The following ST8SIA4 variants were observed in gnomAD, a reference collection of about 807,000 sequenced individuals.
ST8SIA4 encodes the protein CMP-N-acetylneuraminate-poly-alpha-2,8-sialyltransferase.
Under a neutral mutation model 33.9 loss-of-function variants are expected in ST8SIA4, and 15 were observed. That is an observed-to-expected ratio of 0.44 (90% CI 0.30 to 0.68). The LOEUF is 0.68. ST8SIA4 is among the 30% of genes least tolerant of loss of function. The pLI, the probability that ST8SIA4 is intolerant of heterozygous loss-of-function variation, is 0.10. For missense variants in ST8SIA4, 321 were observed against 428.0 expected, an observed-to-expected ratio of 0.75 and a Z score of 2.21; for synonymous variants, 171 against 151.2, an observed-to-expected ratio of 1.13 and a Z score of -0.96.
chr5:100,811,887 C>A lies in ST8SIA4; in HGVS notation c.1040G>T (p.Gly347Val), dbSNP rs1216128717. Reference sequence around the variant, plus strand: ...CTTTCCTGTTGTCAGTTTTAGAGCTCCTCTATTATGTAGCACATTTAATGT... The same window carrying A: ...CTTTCCTGTTGTCAGTTTTAGAGCTACTCTATTATGTAGCACATTTAATGT... ...FKTLNVLHNR[G>V]ALKLTTGKCV... is the part of the protein sequence containing the mutation. The change falls in exon 5 of 5, where the codon GGA (glycine) becomes GTA (valine). Residue 347 changes from glycine (G) to valine (V), a missense_variant. Transcript: ENST00000231461. 1.9e-6 allele frequency: 3 copies of A among 1,613,896 alleles called. No individual in the cohort carries two copies. The Admixed American group carries it at 5.0e-5, about 27-fold the overall frequency.
At chr5:100,838,265 C>T (rs1338603852) in intron 4 of ST8SIA4, among the ~76,000 whole-genome samples, 2 of 151,958 alleles carry the variant, frequency 1.3e-5, no homozygotes, top group Non-Finnish European at 2.9e-5. Context: ...ATTGAAATGT[C>T]TGTTGAAAAA....
rs1396139347 is a variant in ST8SIA4, at chr5:100,886,485, A to G, written c.361T>C (p.Ser121Pro). 6.2e-7 allele frequency: 1 copy of G among 1,613,896 alleles called. No individual in the cohort carries two copies. The highest frequency in any genetic ancestry group is 8.5e-7 in the Non-Finnish European group (1 of 1,179,796). Residue 121 changes from serine to proline, a missense_variant, in exon 3 of 5, where the codon TCT (serine) becomes CCT (proline). Coordinates refer to ENST00000231461, the MANE Select transcript of ST8SIA4 (RefSeq NM_005668.6). ...GGTAGGAGGCTATGTAGATCATGAG[A>G]AATGTTTAGTGTCCGGCGCCTGTCA... ...VLDRRRTLNI[S>P]HDLHSLLPEV... is the part of the protein sequence containing the mutation.
At position 100,863,466 on chromosome 5, in the gene ST8SIA4, T is replaced by C. The variant is rs538084725; in HGVS notation, c.504-7070A>G. 3.3e-5 allele frequency among the ~76,000 whole-genome samples: 5 copies of C among 152,270 alleles called. No individual in the cohort carries two copies. The South Asian group carries it at 1.0e-3, about 32-fold the overall frequency. ...GTGGCCCATATTCTCTTCCCTAAAA[T>C]AAAAAGTTGTTCTAGGTGAAAATGA... On this transcript the variant is annotated intron_variant, in intron 3 of 4. Transcript: ENST00000231461.
chr5:100,831,784 G>C (rs1254170060), intron 4 of ST8SIA4, among the ~76,000 whole-genome samples: 2 of 152,078 alleles, frequency 1.3e-5, no homozygotes, highest in East Asian at 3.9e-4. Context: ...TGAGGGTCAG[G>C]GGGCTCAAAA....
At chr5:100,895,104 G>T (rs529771438) in intron 2 of ST8SIA4, among the ~76,000 whole-genome samples, 2 of 152,130 alleles carry the variant, frequency 1.3e-5, no homozygotes, top group East Asian at 3.9e-4. Context: ...GTTCAAGAGT[G>T]GGTTTCAGCT....
At chr5:100,836,865 G>C (rs1424830319) in intron 4 of ST8SIA4, among the ~76,000 whole-genome samples, 1 of 151,912 alleles carries the variant, frequency 6.6e-6, no homozygotes, top group African/African-American at 2.4e-5. Context: ...CCGTACTGAC[G>C]TTAAAATGTA....
Position 100,809,746 on chromosome 5 carries a change from TAGATA to T in ST8SIA4, c.*2096_*2100del, listed in dbSNP as rs1271049383. On this transcript the variant is annotated 3_prime_UTR_variant, in exon 5 of 5. Transcript: ENST00000231461. Reference sequence around the variant, plus strand: ...GTATCTATTCTCTTACAATTTCTGATAGATAAGAGGTTTAATTATAAAAGTACATT... The same window carrying T: ...GTATCTATTCTCTTACAATTTCTGATAGAGGTTTAATTATAAAAGTACATT... 1 of 152,210 alleles carries T rather than the reference TAGATA, an allele frequency of 6.6e-6. No homozygotes were observed. Among genetic ancestry groups the T allele is most frequent in the Non-Finnish European group, 1.5e-5 (1 of 68,026 alleles). 9.4% of individuals were successfully genotyped at this position (152,210 alleles called of 1,614,324 possible).
intron 4 of ST8SIA4, among the ~76,000 whole-genome samples, chr5:100,832,789 C>A (rs1181931596): frequency 6.6e-6 from 1 of 152,058 alleles, no homozygotes; most frequent in Non-Finnish European, 1.5e-5. Flanking sequence ...TCTCATTGTT[C>A]TTATTCAGTT....
chr5:100,818,828 T>G lies in ST8SIA4; in HGVS notation c.798-6699A>C, dbSNP rs141933320. Reference sequence around the variant, plus strand: ...AATGGAGATACTACTTTATGCTCAATGATCACTAAATTCTATTCAGTACCG... The same window carrying G: ...AATGGAGATACTACTTTATGCTCAAGGATCACTAAATTCTATTCAGTACCG... On this transcript the variant is annotated intron_variant, in intron 4 of 4. Coordinates refer to ENST00000231461, the MANE Select transcript of ST8SIA4 (RefSeq NM_005668.6). Among the ~76,000 whole-genome samples the G allele has an allele frequency of 2.9e-3, 449 of 152,328 alleles. 2 individuals are homozygous for G. Among genetic ancestry groups the G allele is most frequent in the African/African-American group, 9.8e-3 (406 of 41,566 alleles).
At chr5:100,819,710 T>C (rs1750999685) in intron 4 of ST8SIA4, among the ~76,000 whole-genome samples, 1 of 152,238 alleles carries the variant, frequency 6.6e-6, no homozygotes, top group Admixed American at 6.5e-5. Context: ...CAGGTATTAG[T>C]TGTTTATTCC....
chr5:100,851,708 A>G (rs1321367555), intron 4 of ST8SIA4, among the ~76,000 whole-genome samples: 1 of 152,058 alleles, frequency 6.6e-6, no homozygotes, highest in African/African-American at 2.4e-5. Context: ...TTCTTAAGAA[A>G]TTCTCGTCAT....
rs1212436435 is a variant in ST8SIA4 at position 100,816,602 on chromosome 5, C to T, written c.798-4473G>A. On this transcript the variant is annotated intron_variant, in intron 4 of 4. Coordinates refer to ENST00000231461, the MANE Select transcript of ST8SIA4 (RefSeq NM_005668.6). ...TTTCTCTTAAAATGTTATTCTTCTT[C>T]CAAAAATCAAATGTGACAATTTCTA... 8.0e-6 allele frequency: 4 copies of T among 501,790 alleles called. No homozygotes were observed. In the African/African-American group the frequency reaches 8.2e-5, roughly 10 times the overall value. The allele number at this position is 501,790 out of a possible 1,614,324, so 31.1% of individuals were successfully genotyped here.
chr5:100,826,116 T>C (rs911422795), intron 4 of ST8SIA4, among the ~76,000 whole-genome samples: 5 of 58,042 alleles, frequency 8.6e-5, no homozygotes, highest in Non-Finnish European at 1.4e-4. Context: ...TTTGGTTGGT[T>C]TGGAGCAACT....
intron 4 of ST8SIA4, among the ~76,000 whole-genome samples, chr5:100,817,310 C>T (rs1206043751): frequency 6.6e-6 from 1 of 151,722 alleles, no homozygotes; most frequent in Non-Finnish European, 1.5e-5. Context: ...GACATATCTG[C>T]ACATTCTCAA....
chr5:100,895,833 G>C, intron 1 of ST8SIA4, 48 bp from the exon 2 acceptor site: 1 of 1,602,890 alleles, frequency 6.2e-7, no homozygotes. Context: ...GAAACATTTT[G>C]TGTATACAGC....
chr5:100,889,627 T>C (rs146254672), intron 2 of ST8SIA4, among the ~76,000 whole-genome samples: 4 of 151,960 alleles, frequency 2.6e-5, no homozygotes, highest in African/African-American at 9.7e-5. Flanking sequence ...GTAAAACATG[T>C]CTTTTAAGTT....
At chr5:100,817,021 C>T (rs1273712688) in intron 4 of ST8SIA4, among the ~76,000 whole-genome samples, 2 of 150,242 alleles carry the variant, frequency 1.3e-5, no homozygotes, top group Non-Finnish European at 2.9e-5. Context: ...TGGCTCACTG[C>T]AATCTCTGCC....
In ST8SIA4 at chr5:100,827,752, G is replaced by A. The variant is rs1315472805; in HGVS notation, c.798-15623C>T. ...GGCTTCAGAGACAAACTGCACGTGTGGTCATAGGCAACTCTAAGAAATCCA... is the reference window on the plus strand; with the variant it reads ...GGCTTCAGAGACAAACTGCACGTGTAGTCATAGGCAACTCTAAGAAATCCA... On this transcript the variant is annotated intron_variant, in intron 4 of 4. Coordinates refer to ENST00000231461, the MANE Select transcript of ST8SIA4 (RefSeq NM_005668.6). 3.9e-5 allele frequency among the ~76,000 whole-genome samples: 6 copies of A among 152,140 alleles called. No individual in the cohort carries two copies. In the South Asian group the frequency reaches 1.0e-3, roughly 26 times the overall value.
At chr5:100,861,664 AT>A (rs1469645857) in intron 3 of ST8SIA4, among the ~76,000 whole-genome samples, 1 of 152,182 alleles carries the variant, frequency 6.6e-6, no homozygotes, top group Non-Finnish European at 1.5e-5. Context: ...AATAAAAGAT[AT>A]TTAGCTTCAT....
Sources: allele counts gnomAD v4.1 joint callset (sites outside exome capture counted in the v4.1 genomes callset), GRCh38; gene constraint gnomAD v4.1.1; transcripts MANE v1.5; gene names NCBI Gene and HGNC (gene_info 2026-07-23, HGNC 2026-07-21).